AOAH: variants seen among roughly 807,000 people sequenced by gnomAD.
AOAH encodes acyloxyacyl hydrolase, also known as acyloxyacyl hydrolase (neutrophil).
Under a neutral mutation model 92.2 loss-of-function variants are expected in AOAH, and 64 were observed. That is an observed-to-expected ratio of 0.69 (90% CI 0.57 to 0.86). The LOEUF is 0.86. AOAH is among the 40% of genes least tolerant of loss of function. The pLI, the probability that AOAH is intolerant of heterozygous loss-of-function variation, is 0.00. For missense variants in AOAH, 656 were observed against 694.6 expected, an observed-to-expected ratio of 0.94 and a Z score of 0.62; for synonymous variants, 263 against 254.5, an observed-to-expected ratio of 1.03 and a Z score of -0.32.
intron 4 of AOAH, among the ~76,000 whole-genome samples, chr7:36,638,219 T>C (rs1367366939): frequency 6.6e-6 from 1 of 152,226 alleles, no homozygotes; most frequent in Admixed American, 6.5e-5. Flanking sequence ...AGAGATCTCA[T>C]AGGGTCTGGC....
At chr7:36,686,941 T>C (rs1797064426) in intron 1 of AOAH, 147 bp from the exon 2 acceptor site, 1 of 453,186 alleles carries the variant, frequency 2.2e-6, no homozygotes, top group Admixed American at 4.3e-5. Flanking sequence ...AGTGATGATG[T>C]TTAAATGAGA....
At chr7:36,662,006 T>C (rs1267301489) in intron 3 of AOAH, among the ~76,000 whole-genome samples, 1 of 152,200 alleles carries the variant, frequency 6.6e-6, no homozygotes, top group Admixed American at 6.5e-5. Context: ...CATCAAAATA[T>C]CCTTAAAAAT....
chr7:36,691,746 G>A (rs924043216), intron 1 of AOAH, among the ~76,000 whole-genome samples: 1 of 152,200 alleles, frequency 6.6e-6, no homozygotes, highest in Admixed American at 6.5e-5. Flanking sequence ...AAGTGATGGT[G>A]TCTATATCCC....
intron 15 of AOAH, among the ~76,000 whole-genome samples, chr7:36,546,206 C>T (rs1048087946): frequency 6.6e-6 from 1 of 152,206 alleles, no homozygotes; most frequent in African/African-American, 2.4e-5. Context: ...AAATGTGTTA[C>T]TTCAGTAAGA....
At chr7:36,684,808 T>C (rs1298064154) in intron 2 of AOAH, among the ~76,000 whole-genome samples, 1 of 148,076 alleles carries the variant, frequency 6.8e-6, no homozygotes, top group Non-Finnish European at 1.5e-5. Flanking sequence ...CCTGTAGTCT[T>C]AGATCCTTGG....
intron 11 of AOAH, among the ~76,000 whole-genome samples, chr7:36,600,298 G>T (rs900473504): frequency 6.6e-6 from 1 of 152,142 alleles, no homozygotes; most frequent in Non-Finnish European, 1.5e-5. Context: ...TAAAGAACAA[G>T]TATTCACACC....
At chr7:36,596,217 C>T (rs931771349) in intron 11 of AOAH, among the ~76,000 whole-genome samples, 2 of 147,652 alleles carry the variant, frequency 1.4e-5, no homozygotes, top group East Asian at 2.0e-4. Flanking sequence ...GAGATAACCA[C>T]GGTTAACAGT....
At chr7:36,653,844 T>A (rs543458056) in intron 4 of AOAH, among the ~76,000 whole-genome samples, 13 of 152,262 alleles carry the variant, frequency 8.5e-5, no homozygotes, top group African/African-American at 2.9e-4. Context: ...AGTTCAAAGC[T>A]ACGAGGTCTG....
intron 12 of AOAH, among the ~76,000 whole-genome samples, chr7:36,583,844 C>A (rs116958947): frequency 2.0e-5 from 3 of 152,096 alleles, no homozygotes; most frequent in Non-Finnish European, 2.9e-5. Context: ...CCTTTCCCAG[C>A]CCCAGATTTG....
chr7:36,675,224 C>G (rs1171411106), intron 2 of AOAH, among the ~76,000 whole-genome samples: 1 of 152,098 alleles, frequency 6.6e-6, no homozygotes, highest in African/African-American at 2.4e-5. Flanking sequence ...CCATTGCACT[C>G]CAGCCTGGGC....
chr7:36,522,053 A>T lies in AOAH; in HGVS notation c.1585T>A (p.Phe529Ile). 1 of 1,614,136 alleles carries T rather than the reference A, an allele frequency of 6.2e-7. No homozygotes were observed. Among genetic ancestry groups the T allele is most frequent in the Non-Finnish European group, 8.5e-7 (1 of 1,179,942 alleles). ...ACTGTGCTTACCTCGTTGGGGTGGA[A>T]TCCATCCACGGGCTCGATGAGCTGC... ...PWQLIEPVDG[F>I]HPNEVALLLL... The change falls in exon 20 of 21, where the codon TTC becomes ATC. Residue 529 changes from phenylalanine (F) to isoleucine (I), a missense_variant. Coordinates refer to ENST00000617537, the MANE Select transcript of AOAH (RefSeq NM_001637.4).
At chr7:36,689,654 G>C (rs528067044) in intron 1 of AOAH, among the ~76,000 whole-genome samples, 1 of 152,306 alleles carries the variant, frequency 6.6e-6, no homozygotes, top group Admixed American at 6.5e-5. Flanking sequence ...TGATTTTGGA[G>C]AGACCATAAC....
intron 4 of AOAH, among the ~76,000 whole-genome samples, chr7:36,649,456 C>T (rs948911802): frequency 1.3e-5 from 2 of 152,142 alleles, no homozygotes; most frequent in East Asian, 1.9e-4. Flanking sequence ...TGACTGCATC[C>T]GCTTTTAAAC....
intron 16 of AOAH, among the ~76,000 whole-genome samples, chr7:36,536,103 C>T (rs556985428): frequency 6.6e-6 from 1 of 152,250 alleles, no homozygotes; most frequent in Admixed American, 6.5e-5. Context: ...AGGAGTGAGA[C>T]ACCCACCTGC....
intron 11 of AOAH, among the ~76,000 whole-genome samples, chr7:36,613,310 C>A (rs1258862533): frequency 6.6e-6 from 1 of 152,150 alleles, no homozygotes; most frequent in Non-Finnish European, 1.5e-5. Flanking sequence ...CTCCTAGTAT[C>A]TTCCCTCGTT....
intron 2 of AOAH, among the ~76,000 whole-genome samples, chr7:36,675,569 A>G (rs1796199497): frequency 6.6e-6 from 1 of 152,242 alleles, no homozygotes; most frequent in Admixed American, 6.5e-5. Context: ...CAAATCTACA[A>G]AAAAGTTAAA....
intron 13 of AOAH, among the ~76,000 whole-genome samples, chr7:36,553,775 G>A (rs112685985): frequency 0.16 from 23,940 of 151,730 alleles, 2,219 homozygotes; most frequent in African/African-American, 0.25. Flanking sequence ...GGCTGCATAA[G>A]TGTCTTCTTT....
intron 8 of AOAH, 148 bp downstream of exon 8, chr7:36,621,562 C>CT (rs1792279366): frequency 1.2e-6 from 1 of 816,474 alleles, no homozygotes; most frequent in African/African-American, 1.7e-5. Flanking sequence ...GAATGCCGTT[C>CT]TTTTTTCACT....
intron 15 of AOAH, among the ~76,000 whole-genome samples, chr7:36,544,736 T>C (rs1042944930): frequency 6.6e-6 from 1 of 152,188 alleles, no homozygotes; most frequent in African/African-American, 2.4e-5. Context: ...CCCGCCCTAA[T>C]GAATTGTGTC....
Sources: gnomAD v4.1 joint callset for allele counts (sites outside exome capture counted in the v4.1 genomes callset) on GRCh38, gnomAD v4.1.1 for gene constraint, MANE v1.5 for transcripts, NCBI Gene and HGNC (gene_info 2026-07-23, HGNC 2026-07-21) for gene names.